Variants in ZMYM2 observed in about 807,000 individuals in gnomAD.
ZMYM2 encodes zinc finger MYM-type protein 2.
Under a neutral mutation model 162.8 loss-of-function variants are expected in ZMYM2, and 56 were observed. That is an observed-to-expected ratio of 0.34 (90% CI 0.28 to 0.43). The LOEUF is 0.43. ZMYM2 is among the 20% of genes least tolerant of loss of function. The pLI, the probability that ZMYM2 is intolerant of heterozygous loss-of-function variation, is 1.00. For synonymous variants in ZMYM2, 510 were observed against 541.6 expected (o/e 0.94, Z 0.81); for missense variants, 1,275 against 1,621.8 (o/e 0.79, Z 3.67).
the ZMYM2 span, among the ~76,000 whole-genome samples, chr13:19,931,861 G>C: frequency 6.6e-6 from 1 of 152,222 alleles, no homozygotes; most frequent in South Asian, 2.1e-4. Flanking sequence ...CTGGGCTCAA[G>C]TGATCCTCCG....
At chr13:20,017,400 AT>A (rs58626961) in intron 6 of ZMYM2, among the ~76,000 whole-genome samples, 146,679 of 152,118 alleles carry the variant, frequency 0.96, 70,950 homozygotes, top group East Asian at 1. Context: ...CAGATTCAAG[AT>A]TTTTTTCTTT....
chr13:19,893,477 C>T, the ZMYM2 span, among the ~76,000 whole-genome samples: 1 of 151,958 alleles, frequency 6.6e-6, no homozygotes, highest in African/African-American at 2.4e-5. Flanking sequence ...GTGGCTCACG[C>T]CTGTAATCCT....
At chr13:20,031,667 A>G (rs1953150344) in intron 10 of ZMYM2, among the ~76,000 whole-genome samples, 1 of 152,096 alleles carries the variant, frequency 6.6e-6, no homozygotes, top group African/African-American at 2.4e-5. Context: ...TATATTGTAT[A>G]AGTTCATAAT....
intron 24 of ZMYM2, among the ~76,000 whole-genome samples, chr13:20,085,569 A>G (rs755421151): frequency 6.6e-6 from 1 of 152,228 alleles, no homozygotes; most frequent in Non-Finnish European, 1.5e-5. Context: ...TAATGGTAGC[A>G]TTAAAATAAT....
chr13:19,916,643 A>G, the ZMYM2 span, among the ~76,000 whole-genome samples: 1 of 146,176 alleles, frequency 6.8e-6, no homozygotes, highest in African/African-American at 2.5e-5. Flanking sequence ...GTTCTCACTC[A>G]TAGGTGGGAA....
chr13:19,898,115 C>T, the ZMYM2 span, among the ~76,000 whole-genome samples: 19 of 152,064 alleles, frequency 1.2e-4, no homozygotes, highest in Non-Finnish European at 2.5e-4. Context: ...TGTCTTGCTA[C>T]ATTTTAAAAG....
the ZMYM2 span, among the ~76,000 whole-genome samples, chr13:19,941,442 A>G: frequency 6.6e-6 from 1 of 152,204 alleles, no homozygotes; most frequent in African/African-American, 2.4e-5. Flanking sequence ...GAAGAGGTTC[A>G]GAGATCTCTA....
intron 2 of ZMYM2, among the ~76,000 whole-genome samples, chr13:19,982,639 T>G (rs1226521474): frequency 6.6e-6 from 1 of 152,220 alleles, no homozygotes; most frequent in African/African-American, 2.4e-5. Flanking sequence ...TTGCCATTAC[T>G]TTCAGTGGTT....
At chr13:19,900,230 C>T in the ZMYM2 span, among the ~76,000 whole-genome samples, 10 of 151,238 alleles carry the variant, frequency 6.6e-5, no homozygotes, top group South Asian at 1.7e-3. Flanking sequence ...ACCCAGGAGG[C>T]GGAGGTTGCA....
chr13:19,988,843 C>T (rs531849075), intron 2 of ZMYM2, among the ~76,000 whole-genome samples: 1 of 152,266 alleles, frequency 6.6e-6, no homozygotes, highest in East Asian at 1.9e-4. Context: ...TATTTGATGT[C>T]TGTGAAAAGT....
At position 20,005,217 on chromosome 13, in the gene ZMYM2, C is replaced by T; in HGVS notation, c.1277C>T (p.Thr426Ile). 1 of 1,574,544 alleles carries T rather than the reference C, an allele frequency of 6.4e-7. No homozygotes were observed. The highest frequency in any genetic ancestry group is 1.4e-5 in the African/African-American group (1 of 72,458). The change falls in exon 5 of 25, where the codon ACA (threonine) becomes ATA (isoleucine). Residue 426 changes from threonine to isoleucine, a missense_variant. Transcript: ENST00000610343. ...TKGALNKSRC[T>I]ICGKLTEIRH... is the part of the protein sequence containing the mutation. ...GGAGCTCTAAATAAATCAAGATGTA[C>T]AATCTGTGGTAAACTAACTGAGGTT... is the stretch of plus-strand genomic sequence containing the variant.
At chr13:19,982,117 C>A (rs1957385910) in intron 2 of ZMYM2, among the ~76,000 whole-genome samples, 1 of 152,120 alleles carries the variant, frequency 6.6e-6, no homozygotes, top group Non-Finnish European at 1.5e-5. Flanking sequence ...TCAGATTCAA[C>A]TGAAATAAAG....
At chr13:20,050,738 A>G (rs761863302) in intron 12 of ZMYM2, among the ~76,000 whole-genome samples, 10 of 152,058 alleles carry the variant, frequency 6.6e-5, no homozygotes, top group Admixed American at 2.6e-4. Flanking sequence ...AGTACATTCT[A>G]TGAATTTTAA....
intron 2 of ZMYM2, among the ~76,000 whole-genome samples, chr13:19,987,158 G>T (rs529155414): frequency 2.7e-4 from 39 of 142,926 alleles, no homozygotes; most frequent in African/African-American, 9.3e-4. Context: ...AGTTAAGTAA[G>T]CTGCTTAAAA....
At chr13:19,917,560 A>C in the ZMYM2 span, among the ~76,000 whole-genome samples, 1 of 150,194 alleles carries the variant, frequency 6.7e-6, no homozygotes, top group South Asian at 2.1e-4. Context: ...ACTGCACTCC[A>C]GCCTGAGCAA....
chr13:19,958,838 C>G lies in ZMYM2; in HGVS notation c.-83C>G, dbSNP rs1382597998. The G allele has an allele frequency of 6.5e-6, 1 of 152,750 alleles. No homozygotes were observed. The highest frequency in any genetic ancestry group is 1.5e-5 in the Non-Finnish European group (1 of 68,530). 9.5% of individuals were successfully genotyped at this position (152,750 alleles called of 1,614,324 possible). A position where few individuals can be genotyped will look rare whatever the true frequency, so the allele number is the denominator to read the frequency against. ...TCGTTCCGCGGAGCCCCAGCCAGAA[C>G]CGGGTGAGGCTTATCCCCGCTGTCT... On this transcript the variant is annotated 5_prime_UTR_variant, in exon 1 of 25. Coordinates refer to ENST00000610343, the MANE Select transcript of ZMYM2 (RefSeq NM_197968.4).
chr13:19,974,291 T>C (rs1180188912), intron 2 of ZMYM2, among the ~76,000 whole-genome samples: 1 of 152,240 alleles, frequency 6.6e-6, no homozygotes, highest in African/African-American at 2.4e-5. Flanking sequence ...TATACCTTGC[T>C]GTTTACACTT....
intron 9 of ZMYM2, among the ~76,000 whole-genome samples, chr13:20,027,689 A>G (rs1386764279): frequency 6.6e-6 from 1 of 152,150 alleles, no homozygotes; most frequent in African/African-American, 2.4e-5. Flanking sequence ...TGATAAGAAT[A>G]CTTGCTTTCT....
chr13:20,085,749 ATTC>A, intron 24 of ZMYM2, 70 bp from the exon 25 acceptor site: 1 of 1,425,392 alleles, frequency 7.0e-7, no homozygotes, highest in East Asian at 2.3e-5. Flanking sequence ...GGTCTGAATT[ATTC>A]TTGAAAAAAG....
Sources: allele counts gnomAD v4.1 joint callset (sites outside exome capture counted in the v4.1 genomes callset), GRCh38; gene constraint gnomAD v4.1.1; transcripts MANE v1.5; gene names NCBI Gene and HGNC (gene_info 2026-07-23, HGNC 2026-07-21).